Variants in ADAMTS17 observed in about 807,000 individuals in gnomAD.
ADAMTS17 encodes the protein A disintegrin and metalloproteinase with thrombospondin motifs 17.
ADAMTS17 carries 113 observed loss-of-function variants against 141.5 expected under a neutral mutation model. The ratio of observed to expected loss-of-function variants is 0.80; its 90% CI spans 0.69 to 0.93. ADAMTS17 has a LOEUF of 0.93. Among genes scored for constraint, ADAMTS17 ranks in the 40% least tolerant of loss-of-function variants. The probability of loss-of-function intolerance (pLI) is 0.00; values close to 1 mark genes in which losing one functional copy is unlikely to be tolerated. For synonymous variants in ADAMTS17, 768 were observed against 630.6 expected (o/e 1.22, Z -3.27); for missense variants, 1,659 against 1,517.9 (o/e 1.09, Z -1.54).
At chr15:100,285,427 G>T (rs1034398869) in intron 3 of ADAMTS17, among the ~76,000 whole-genome samples, 4 of 152,200 alleles carry the variant, frequency 2.6e-5, no homozygotes, top group Admixed American at 6.5e-5. Flanking sequence ...GTATGGAACA[G>T]ATACTCTTTA....
At chr15:100,233,384 G>A (rs998694429) in intron 7 of ADAMTS17, among the ~76,000 whole-genome samples, 4 of 151,976 alleles carry the variant, frequency 2.6e-5, no homozygotes, top group African/African-American at 4.8e-5. Flanking sequence ...ATAAGTCGCC[G>A]TTTTTTAAGA....
intron 3 of ADAMTS17, among the ~76,000 whole-genome samples, chr15:100,290,332 A>C (rs1398001630): frequency 6.6e-6 from 1 of 152,226 alleles, no homozygotes; most frequent in Non-Finnish European, 1.5e-5. Context: ...TGAGAACTAC[A>C]AAACACTTCT....
At chr15:100,182,035 A>T (rs917221083) in intron 8 of ADAMTS17, among the ~76,000 whole-genome samples, 1 of 152,230 alleles carries the variant, frequency 6.6e-6, no homozygotes, top group Non-Finnish European at 1.5e-5. Flanking sequence ...TAGGACATCC[A>T]TGGGTGTCAG....
intron 8 of ADAMTS17, among the ~76,000 whole-genome samples, chr15:100,159,649 C>G (rs2039597451): frequency 6.6e-6 from 1 of 152,214 alleles, no homozygotes; most frequent in African/African-American, 2.4e-5. Flanking sequence ...CATGGTGTAA[C>G]CATTGCATGT....
intron 3 of ADAMTS17, among the ~76,000 whole-genome samples, chr15:100,303,964 T>C (rs1243621118): frequency 6.6e-6 from 1 of 152,232 alleles, no homozygotes; most frequent in Non-Finnish European, 1.5e-5. Context: ...CCTCAGGTGA[T>C]CCACCCGCTT....
chr15:100,069,952 C>T (rs558501549), intron 15 of ADAMTS17, among the ~76,000 whole-genome samples: 5 of 150,226 alleles, frequency 3.3e-5, no homozygotes, highest in African/African-American at 4.9e-5. Context: ...GACTAGCAAA[C>T]TGGATAAAGA....
chr15:100,163,838 G>A (rs1384347274), intron 8 of ADAMTS17, among the ~76,000 whole-genome samples: 4 of 152,140 alleles, frequency 2.6e-5, no homozygotes, highest in Non-Finnish European at 5.9e-5. Flanking sequence ...CTCTGTCAAG[G>A]TGCAGTGCAC....
intron 18 of ADAMTS17, among the ~76,000 whole-genome samples, chr15:100,001,489 A>C (rs553280117): frequency 1.3e-4 from 20 of 152,266 alleles, no homozygotes; most frequent in African/African-American, 4.6e-4. Context: ...TGCAACACTG[A>C]GAATGAAGCC....
At chr15:100,275,123 A>G (rs2142049690) in intron 4 of ADAMTS17, among the ~76,000 whole-genome samples, 1 of 152,328 alleles carries the variant, frequency 6.6e-6, no homozygotes, top group East Asian at 1.9e-4. Flanking sequence ...CTCTGAGGGG[A>G]CATTTGCACA....
intron 7 of ADAMTS17, among the ~76,000 whole-genome samples, chr15:100,241,092 G>A (rs982398615): frequency 6.6e-6 from 1 of 152,144 alleles, no homozygotes; most frequent in Non-Finnish European, 1.5e-5. Flanking sequence ...CCAAAGTGCT[G>A]GGATTACAGA....
At chr15:100,312,491 T>A (rs150699890) in intron 3 of ADAMTS17, among the ~76,000 whole-genome samples, 184 of 152,338 alleles carry the variant, frequency 1.2e-3, no homozygotes, top group African/African-American at 4.2e-3. Flanking sequence ...AGCCGTAAGA[T>A]AATATATTTG....
intron 8 of ADAMTS17, among the ~76,000 whole-genome samples, chr15:100,173,959 C>A (rs2141484297): frequency 6.6e-6 from 1 of 152,314 alleles, no homozygotes; most frequent in Non-Finnish European, 1.5e-5. Context: ...AGGACCAGAG[C>A]CGCAGCTTTC....
At chr15:100,049,916 C>T (rs1029247773) in intron 17 of ADAMTS17, among the ~76,000 whole-genome samples, 1 of 152,162 alleles carries the variant, frequency 6.6e-6, no homozygotes, top group Non-Finnish European at 1.5e-5. Flanking sequence ...TAGAACAGAA[C>T]CTGGCAGGTG....
intron 7 of ADAMTS17, among the ~76,000 whole-genome samples, chr15:100,240,669 C>T (rs943790363): frequency 5.3e-5 from 8 of 152,216 alleles, no homozygotes; most frequent in Non-Finnish European, 8.8e-5. Flanking sequence ...AATCTGCCAC[C>T]CAGAACTCAG....
At chr15:100,188,448 G>C (rs2040801440) in intron 8 of ADAMTS17, among the ~76,000 whole-genome samples, 2 of 151,796 alleles carry the variant, frequency 1.3e-5, no homozygotes. Flanking sequence ...GGAATTTTTA[G>C]GGAGAGTCTG....
chr15:100,059,240 C>T (rs2141639927), intron 15 of ADAMTS17, among the ~76,000 whole-genome samples: 1 of 152,352 alleles, frequency 6.6e-6, no homozygotes, highest in East Asian at 1.9e-4. Context: ...CTCTCACAGC[C>T]CCAGAAAGAA....
intron 9 of ADAMTS17, among the ~76,000 whole-genome samples, chr15:100,153,378 C>T (rs936803920): frequency 2.6e-5 from 4 of 152,110 alleles, no homozygotes; most frequent in Admixed American, 1.3e-4. Context: ...CGGGGGCTCA[C>T]ACCAGTAATC....
chr15:100,258,125 G>A (rs916108220), intron 6 of ADAMTS17, among the ~76,000 whole-genome samples: 2 of 152,174 alleles, frequency 1.3e-5, no homozygotes, highest in African/African-American at 4.8e-5. Context: ...TCCATCAATG[G>A]ACATATAGGT....
intron 7 of ADAMTS17, among the ~76,000 whole-genome samples, chr15:100,241,874 G>A (rs146234943): frequency 5.3e-5 from 8 of 152,310 alleles, no homozygotes; most frequent in Non-Finnish European, 7.3e-5. Context: ...TAGTAACTCC[G>A]AAGGTTGCTT....
Sources: allele counts gnomAD v4.1 joint callset (sites outside exome capture counted in the v4.1 genomes callset), GRCh38; gene constraint gnomAD v4.1.1; transcripts MANE v1.5; gene names NCBI Gene and HGNC (gene_info 2026-07-23, HGNC 2026-07-21).